BCAS3: variants seen among roughly 807,000 people sequenced by gnomAD.
BCAS3 encodes BCAS4/BCAS3 fusion.
Under a neutral mutation model 116.1 loss-of-function variants are expected in BCAS3, and 53 were observed. That is an observed-to-expected ratio of 0.46 (90% CI 0.37 to 0.57). The LOEUF (loss-of-function observed/expected upper bound fraction) is 0.57. BCAS3 is among the 20% of genes least tolerant of loss of function. BCAS3 has a pLI of 0.00. For synonymous variants in BCAS3, 391 were observed against 408.2 expected (o/e 0.96, Z 0.51); for missense variants, 917 against 1,165.4 (o/e 0.79, Z 3.10).
intron 22 of BCAS3, among the ~76,000 whole-genome samples, chr17:61,155,837 C>T (rs2077803340): frequency 6.6e-6 from 1 of 152,170 alleles, no homozygotes; most frequent in Admixed American, 6.5e-5. Flanking sequence ...CTGATAGGCC[C>T]TTGTTAAGGC....
chr17:60,766,639 C>G (rs968836580), intron 6 of BCAS3, among the ~76,000 whole-genome samples: 12 of 152,332 alleles, frequency 7.9e-5, no homozygotes, highest in African/African-American at 2.9e-4. Context: ...CCAAGTTAGG[C>G]TACACAGGGG....
intron 21 of BCAS3, among the ~76,000 whole-genome samples, chr17:61,080,874 T>C (rs2072536495): frequency 6.6e-6 from 1 of 152,244 alleles, no homozygotes; most frequent in African/African-American, 2.4e-5. Context: ...TTTGTTTTTT[T>C]CTTCTCTGCA....
rs201596336 is a variant in BCAS3, at chr17:61,094,546, A to G, written c.2425+9982A>G. On this transcript the variant is annotated intron_variant, in intron 22 of 23. Coordinates refer to ENST00000407086, the MANE Select transcript of BCAS3 (RefSeq NM_017679.5). ...ACCACTGTCTGTTTAACAGAGTCCC[A>G]ATATTTAAAGACATTTCTCGGCCGG... 3.5e-4 allele frequency among the ~76,000 whole-genome samples: 53 copies of G among 152,324 alleles called. No homozygotes were observed. In the East Asian group the frequency reaches 6.4e-3, roughly 18 times the overall value.
intron 19 of BCAS3, among the ~76,000 whole-genome samples, chr17:61,057,686 T>C (rs16944781): frequency 7.2e-5 from 11 of 152,040 alleles, no homozygotes; most frequent in African/African-American, 2.4e-4. Flanking sequence ...TTTTTTTTTT[T>C]CACATTTTAT....
In BCAS3 at chr17:61,203,380, AC is replaced by A. The variant is rs562328152; in HGVS notation, c.2425+118817del. Among the ~76,000 whole-genome samples the A allele has an allele frequency of 1.5e-4, 23 of 152,066 alleles. No individual in the cohort carries two copies. Among genetic ancestry groups the A allele is most frequent in the African/African-American group, 5.5e-4 (23 of 41,454 alleles). ...GCCATGTTGGTCAGGCTGGTTTCAA[AC>A]TCCTGACCTTGTGATCTGCTCACCT... On this transcript the variant is annotated intron_variant, in intron 22 of 23. Coordinates refer to ENST00000407086, the MANE Select transcript of BCAS3 (RefSeq NM_017679.5). The surrounding 1 kb of genome is among the most constrained non-coding windows in gnomAD (Gnocchi z 5.7).
rs986720108 is a variant in BCAS3 at position 61,377,688 on chromosome 17, C to T, written c.2593+9194C>T. 3.3e-5 allele frequency: 5 copies of T among 152,196 alleles called. No homozygotes were observed. The highest frequency in any genetic ancestry group is 1.2e-4 in the African/African-American group (5 of 41,424). The allele number at this position is 152,196 out of a possible 1,614,324, so 9.4% of individuals were successfully genotyped here. A position where few individuals can be genotyped will look rare whatever the true frequency, so the allele number is the denominator to read the frequency against. On this transcript the variant is annotated intron_variant, in intron 23 of 23. Transcript: ENST00000407086. The surrounding 1 kb of genome is among the most constrained non-coding windows in gnomAD (Gnocchi z 4.6). ...TGTCCTGGCTGCTGCAGGGAGCACT[C>T]GGTCTCTCTCTTTTACTCCTCTCCA...
Position 61,196,874 on chromosome 17 carries a change from T to C in BCAS3, c.2425+112310T>C, listed in dbSNP as rs576284783. ...AATGTCATGGTTATTTGTAGAGAGA[T>C]TGAAGAACCGGTCTCAGATTTATGT... On this transcript the variant is annotated intron_variant, in intron 22 of 23. Coordinates refer to ENST00000407086, the MANE Select transcript of BCAS3 (RefSeq NM_017679.5). The surrounding 1 kb of genome is among the most constrained non-coding windows in gnomAD (Gnocchi z 4.7). Among the ~76,000 whole-genome samples the C allele has an allele frequency of 1.3e-5, 2 of 152,342 alleles. No homozygotes were observed. The highest frequency in any genetic ancestry group is 1.3e-4 in the Admixed American group (2 of 15,290).
At chr17:61,384,315 G>A (rs1301017577) in intron 23 of BCAS3, 1 of 152,272 alleles carries the variant, frequency 6.6e-6, no homozygotes, top group Non-Finnish European at 1.5e-5. Context: ...GACAGCAGAG[G>A]CAGCAAAGCG....
At chr17:60,891,113 A>T (rs74988868) in intron 10 of BCAS3, among the ~76,000 whole-genome samples, 4,346 of 152,232 alleles carry the variant, frequency 0.029, 85 homozygotes, top group Non-Finnish European at 0.044. Context: ...TTCTTTTCAA[A>T]CAAAACAAGG....
chr17:60,781,584 G>A (rs1333815529), intron 6 of BCAS3, among the ~76,000 whole-genome samples: 1 of 152,092 alleles, frequency 6.6e-6, no homozygotes, highest in African/African-American at 2.4e-5. Flanking sequence ...GGATGACAGA[G>A]TGAGACCTTT....
At chr17:60,807,042 T>C (rs2048344463) in intron 6 of BCAS3, among the ~76,000 whole-genome samples, 1 of 152,176 alleles carries the variant, frequency 6.6e-6, no homozygotes, top group African/African-American at 2.4e-5. Context: ...TGACATTTGC[T>C]GTAGATCTTT....
At chr17:61,269,284 T>C (rs1389307874) in intron 22 of BCAS3, among the ~76,000 whole-genome samples, 1 of 151,946 alleles carries the variant, frequency 6.6e-6, no homozygotes, top group Non-Finnish European at 1.5e-5. Flanking sequence ...CTGGCTAATT[T>C]TGTGTTTTTT....
Position 61,219,989 on chromosome 17 carries a change from G to C in BCAS3, c.2425+135425G>C, listed in dbSNP as rs575624271. ...CACAACCTTTCAGAGGAAAATTCTG[G>C]TGTGCCGTTAAAACTAAAGTTTTCG... On this transcript the variant is annotated intron_variant, in intron 22 of 23. Coordinates refer to ENST00000407086, the MANE Select transcript of BCAS3 (RefSeq NM_017679.5). The surrounding 1 kb of genome is among the most constrained non-coding windows in gnomAD (Gnocchi z 5.2). 6.6e-6 allele frequency among the ~76,000 whole-genome samples: 1 copy of C among 152,190 alleles called. No individual in the cohort carries two copies. Among genetic ancestry groups the C allele is most frequent in the Non-Finnish European group, 1.5e-5 (1 of 68,014 alleles).
chr17:61,318,828 G>A (rs890297177), intron 22 of BCAS3, among the ~76,000 whole-genome samples: 1 of 152,148 alleles, frequency 6.6e-6, no homozygotes, highest in African/African-American at 2.4e-5. Context: ...CCTTGCTGGA[G>A]AGTGCTTTCC....
chr17:61,258,331 T>TA lies in BCAS3; in HGVS notation c.2426-109996_2426-109995insA, dbSNP rs2048944523. ...ATTGTGGAAAGGGGTTGTTACTTCG[T>TA]GCCTTTAGATATCCACCATAATGTG... On this transcript the variant is annotated intron_variant, in intron 22 of 23. Transcript: ENST00000407086. This position sits in a 1 kb window ranked among gnomAD's most constrained non-coding sequence, Gnocchi z 4.7. Among the ~76,000 whole-genome samples, 1 of 152,252 alleles carries TA rather than the reference T, an allele frequency of 6.6e-6. No individual in the cohort carries two copies. The highest frequency in any genetic ancestry group is 1.5e-5 in the Non-Finnish European group (1 of 68,046).
At chr17:61,297,672 AGTGG>A (rs1213246605) in intron 22 of BCAS3, among the ~76,000 whole-genome samples, 1 of 152,138 alleles carries the variant, frequency 6.6e-6, no homozygotes, top group Non-Finnish European at 1.5e-5. Flanking sequence ...GGGGGTCCTC[AGTGG>A]TCGATGGGCA....
At chr17:60,809,241 C>A (rs1238393202) in intron 7 of BCAS3, among the ~76,000 whole-genome samples, 4 of 150,620 alleles carry the variant, frequency 2.7e-5, no homozygotes, top group Non-Finnish European at 5.9e-5. Context: ...CCACTGTACT[C>A]CAGCCTGGGC....
intron 6 of BCAS3, among the ~76,000 whole-genome samples, chr17:60,760,991 A>G (rs1313551640): frequency 6.6e-6 from 1 of 151,728 alleles, no homozygotes; most frequent in Non-Finnish European, 1.5e-5. Context: ...GCTTGATCTT[A>G]TCTATTGTTG....
chr17:60,881,268 C>T (rs1023613789), intron 9 of BCAS3, among the ~76,000 whole-genome samples: 2 of 152,184 alleles, frequency 1.3e-5, no homozygotes, highest in African/African-American at 4.8e-5. Context: ...GCCACCGCAC[C>T]TGGCCTGGTC....
Sources: gnomAD v4.1 joint callset for allele counts (sites outside exome capture counted in the v4.1 genomes callset) on GRCh38, gnomAD v4.1.1 for gene constraint, Gnocchi (gnomAD v3.1) non-coding constraint, MANE v1.5 for transcripts, NCBI Gene and HGNC (gene_info 2026-07-23, HGNC 2026-07-21) for gene names.